Variants in BST1 observed in about 807,000 individuals in gnomAD.
BST1 encodes the protein bone marrow stromal cell antigen 1, also known as ADP-ribosyl cyclase/cyclic ADP-ribose hydrolase 2.
In BST1, 49 loss-of-function variants were observed where a neutral mutation model predicts 40.6. The ratio of observed to expected loss-of-function variants is 1.21; its 90% confidence interval spans 0.96 to 1.53. BST1 has a LOEUF of 1.53. BST1 is among the 40% of genes most tolerant of loss of function. The pLI is 0.00. For missense variants in BST1, 423 were observed against 395.9 expected, an observed-to-expected ratio of 1.07 and a Z score of -0.58; for synonymous variants, 157 against 159.3, an observed-to-expected ratio of 0.99 and a Z score of 0.11.
At chr4:15,763,321 T>C in the BST1 span, among the ~76,000 whole-genome samples, 1 of 151,782 alleles carries the variant, frequency 6.6e-6, no homozygotes, top group Non-Finnish European at 1.5e-5. Context: ...ATATGTATCA[T>C]ATAATGTGGA....
At chr4:15,707,834 A>ACTCTCTCTCTCTCTCTCT (rs146353876) in intron 3 of BST1, among the ~76,000 whole-genome samples, 188 bp downstream of exon 3, 1 of 107,056 alleles carries the variant, frequency 9.3e-6, no homozygotes, top group African/African-American at 3.8e-5. Context: ...CAGTCTAAGC[A>ACTCTCTCTCTCTCTCTCT]CTCTCTCTCT....
chr4:15,703,643 TGCGCGCGCTCTAGAGGTGGGAG>T (rs1560274810), intron 1 of BST1, among the ~76,000 whole-genome samples: 4 of 121,254 alleles, frequency 3.3e-5, no homozygotes, highest in Admixed American at 8.2e-5. Context: ...GGTGTGTGTG[TGCGCGCGCTCTAGAGGTGGGAG>T]GTGTGTGTGT....
chr4:15,773,543 G>A, the BST1 span, among the ~76,000 whole-genome samples: 1 of 152,134 alleles, frequency 6.6e-6, no homozygotes, highest in African/African-American at 2.4e-5. Flanking sequence ...AGATGTTATG[G>A]ACCATTATTA....
intron 6 of BST1, among the ~76,000 whole-genome samples, chr4:15,718,618 G>T (rs1720637908): frequency 1.3e-5 from 2 of 152,178 alleles, no homozygotes; most frequent in African/African-American, 4.8e-5. Flanking sequence ...ACTGTCTGGG[G>T]ACAGACTGCA....
At chr4:15,731,121 A>G (rs2148896480) in intron 8 of BST1, 1 of 424,796 alleles carries the variant, frequency 2.4e-6, no homozygotes, top group Non-Finnish European at 4.5e-6. Context: ...TCACGTGGCC[A>G]ACAGCCACAG....
chr4:15,755,869 T>G, the BST1 span, among the ~76,000 whole-genome samples: 1 of 152,224 alleles, frequency 6.6e-6, no homozygotes, highest in Non-Finnish European at 1.5e-5. Context: ...ATGAGTTTCT[T>G]ATTCCAGCTT....
In BST1 at chr4:15,711,820, A is replaced by T; in HGVS notation, c.465A>T (p.Gln155His). 1 of 1,613,932 alleles carries T rather than the reference A, an allele frequency of 6.2e-7. No homozygotes were observed. The highest frequency in any genetic ancestry group is 8.5e-7 in the Non-Finnish European group (1 of 1,179,820). Reference protein sequence around the residue: ...RQKNDSGLDYQSCPTSEDCEN... With the variant: ...RQKNDSGLDYHSCPTSEDCEN... ...CTTACCCCTTAGGACTCGATTACCAATCCTGCCCTACATCAGAAGACTGTG... is the reference window on the plus strand; with the variant it reads ...CTTACCCCTTAGGACTCGATTACCATTCCTGCCCTACATCAGAAGACTGTG... Residue 155 changes from glutamine to histidine, a missense_variant, in exon 4 of 9, where the codon CAA becomes CAT. Gln to His is a conservative substitution (Grantham distance 24, BLOSUM62 0). Coordinates refer to ENST00000265016, the MANE Select transcript of BST1 (RefSeq NM_004334.3).
At position 15,726,286 on chromosome 4, in the gene BST1, G is replaced by A. The variant is rs965209324; in HGVS notation, c.851+3352G>A. Among the ~76,000 whole-genome samples the A allele has an allele frequency of 2.6e-4, 39 of 151,818 alleles. 1 individual carries two copies. The highest frequency in any genetic ancestry group is 5.1e-4 in the Non-Finnish European group (35 of 67,970). ...TTTTTCACTGATGATGGTATTCTAA[G>A]GACCTAAAACAGAACTTGCAACTCG... On this transcript the variant is annotated intron_variant, in intron 8 of 8. Transcript: ENST00000265016.
At chr4:15,773,682 G>A in the BST1 span, among the ~76,000 whole-genome samples, 4 of 152,338 alleles carry the variant, frequency 2.6e-5, no homozygotes, top group South Asian at 8.3e-4. Flanking sequence ...TGCAGCCCCA[G>A]CTACTCAGGA....
At chr4:15,723,486 G>A in intron 8 of BST1, 2 of 878,952 alleles carry the variant, frequency 2.3e-6, no homozygotes, top group Non-Finnish European at 2.7e-6. Flanking sequence ...CTGGCCTTGT[G>A]ATCCGCCTTC....
chr4:15,715,221 G>C, intron 4 of BST1, 64 bp from the exon 5 acceptor site: 1 of 1,442,792 alleles, frequency 6.9e-7, no homozygotes, highest in Non-Finnish European at 9.7e-7. Context: ...TGTAAAAAAT[G>C]CACATTTCAT....
At chr4:15,767,786 T>A in the BST1 span, among the ~76,000 whole-genome samples, 1 of 150,634 alleles carries the variant, frequency 6.6e-6, no homozygotes, top group Non-Finnish European at 1.5e-5. Flanking sequence ...AGTTTTTAAT[T>A]TTTTTTTTAT....
chr4:15,714,318 C>T (rs1005890205), intron 4 of BST1, among the ~76,000 whole-genome samples: 1 of 152,138 alleles, frequency 6.6e-6, no homozygotes, highest in African/African-American at 2.4e-5. Context: ...CTAGTATAAA[C>T]ATTTTATGAG....
At chr4:15,709,171 G>C (rs1720048425) in intron 3 of BST1, among the ~76,000 whole-genome samples, 1 of 152,196 alleles carries the variant, frequency 6.6e-6, no homozygotes, top group African/African-American at 2.4e-5. Flanking sequence ...GGAGGGCCAG[G>C]GAAAGGAAAG....
intron 8 of BST1, among the ~76,000 whole-genome samples, chr4:15,725,877 C>T (rs1721076242): frequency 6.6e-6 from 1 of 151,710 alleles, no homozygotes; most frequent in Non-Finnish European, 1.5e-5. Flanking sequence ...CTTCAAAACC[C>T]TCATGTGACT....
downstream of BST1, among the ~76,000 whole-genome samples, chr4:15,740,844 G>A (rs1041891885): frequency 6.6e-6 from 1 of 152,146 alleles, no homozygotes. Flanking sequence ...TCAGATTTTA[G>A]GCCATAGGCC....
At chr4:15,756,690 T>C in the BST1 span, among the ~76,000 whole-genome samples, 1 of 152,336 alleles carries the variant, frequency 6.6e-6, no homozygotes, top group East Asian at 1.9e-4. Context: ...AGCAGGTATG[T>C]TGCGCTGTGG....
chr4:15,748,662 C>T, the BST1 span, among the ~76,000 whole-genome samples: 2 of 152,300 alleles, frequency 1.3e-5, no homozygotes, highest in East Asian at 3.9e-4. Flanking sequence ...TGCCCTCTGG[C>T]TGCAGGGGGT....
At chr4:15,760,071 T>C in the BST1 span, among the ~76,000 whole-genome samples, 4 of 152,018 alleles carry the variant, frequency 2.6e-5, no homozygotes, top group Non-Finnish European at 4.4e-5. Flanking sequence ...CCATTCCTAT[T>C]GGGCTGTCAC....
Sources: gnomAD v4.1 joint callset for allele counts (sites outside exome capture counted in the v4.1 genomes callset) on GRCh38, gnomAD v4.1.1 for gene constraint, MANE v1.5 for transcripts, NCBI Gene and HGNC (gene_info 2026-07-23, HGNC 2026-07-21) for gene names.